GLMN: variants seen among roughly 807,000 people sequenced by gnomAD.
GLMN encodes glomulin, FKBP associated protein, also known as glomulin.
A neutral mutation model predicts 87.8 loss-of-function variants in GLMN; 75 were observed. The ratio of observed to expected loss-of-function variants is 0.85; its 90% confidence interval spans 0.71 to 1.04. The LOEUF is 1.04. Ranked by LOEUF, GLMN falls within the 50% of genes least tolerant of loss-of-function variation. The pLI is 0.00. For missense variants in GLMN, 588 were observed against 658.8 expected (o/e 0.89, Z 1.18); for synonymous variants, 206 against 221.6 (o/e 0.93, Z 0.63).
upstream of GLMN, among the ~76,000 whole-genome samples, chr1:92,302,754 T>C (rs1214931940): frequency 6.6e-6 from 1 of 151,644 alleles, no homozygotes; most frequent in East Asian, 2.0e-4. Flanking sequence ...CGCCCACCAT[T>C]ACGCCCGGCT....
At chr1:92,364,633 A>T in the GLMN span, among the ~76,000 whole-genome samples, 5 of 152,088 alleles carry the variant, frequency 3.3e-5, no homozygotes, top group African/African-American at 1.2e-4. Context: ...ATTACCCAGA[A>T]TTGTGCTTCT....
chr1:92,367,310 C>T, the GLMN span, among the ~76,000 whole-genome samples: 1 of 152,198 alleles, frequency 6.6e-6, no homozygotes, highest in Non-Finnish European at 1.5e-5. Context: ...CTTACCCAAC[C>T]CATTATTAAT....
Position 92,291,479 on chromosome 1 carries a change from C to A in GLMN, c.224G>T (p.Cys75Phe). ...LVGPVVRCLLCKDKEDSKRKV... is the reference protein window; with the variant it reads ...LVGPVVRCLLFKDKEDSKRKV... ...TCTTTTACTATCCTCTTTATCTTTACACAAAAGGCATCGAACAACAGGACC... is the reference window on the plus strand; with the variant it reads ...TCTTTTACTATCCTCTTTATCTTTAAACAAAAGGCATCGAACAACAGGACC... The change falls in exon 4 of 19, where the codon TGT becomes TTT. Residue 75 changes from cysteine (C) to phenylalanine (F), a missense_variant. By Grantham distance (205) the Cys-to-Phe change is radical. Transcript: ENST00000370360. 1 of 1,606,890 alleles carries A rather than the reference C, an allele frequency of 6.2e-7. No individual in the cohort carries two copies. The highest frequency in any genetic ancestry group is 1.7e-4 in the Middle Eastern group (1 of 6,052).
the GLMN span, among the ~76,000 whole-genome samples, chr1:92,314,548 A>G: frequency 2.7e-3 from 397 of 148,554 alleles, 3 homozygotes; most frequent in South Asian, 9.7e-3. Flanking sequence ...TCAGGAGTTC[A>G]AGACCAGCCT....
the GLMN span, among the ~76,000 whole-genome samples, chr1:92,312,733 A>G: frequency 1.3e-5 from 2 of 152,142 alleles, no homozygotes; most frequent in East Asian, 3.9e-4. Flanking sequence ...AAAGTCATCC[A>G]TTAGGGTTAC....
intron 7 of GLMN, among the ~76,000 whole-genome samples, chr1:92,281,970 A>G (rs1443975494): frequency 6.6e-6 from 1 of 152,224 alleles, no homozygotes; most frequent in Non-Finnish European, 1.5e-5. Context: ...CCAGGTTTAT[A>G]AAGCAAGTCC....
chr1:92,342,558 C>T, the GLMN span, among the ~76,000 whole-genome samples: 4 of 152,118 alleles, frequency 2.6e-5, no homozygotes, highest in Non-Finnish European at 5.9e-5. Flanking sequence ...TTTTTAACAG[C>T]ATCATTTTGG....
chr1:92,319,998 C>CAA, the GLMN span, among the ~76,000 whole-genome samples: 35 of 90,350 alleles, frequency 3.9e-4, no homozygotes, highest in African/African-American at 1.3e-3. Flanking sequence ...AACTCCATCT[C>CAA]AAAAAAAAAA....
At chr1:92,300,659 C>T (rs1363408278), upstream of GLMN, among the ~76,000 whole-genome samples, 3 of 152,194 alleles carry the variant, frequency 2.0e-5, no homozygotes, top group African/African-American at 7.2e-5. Context: ...CAAGATATTA[C>T]CACATATCAC....
At chr1:92,317,599 A>C in the GLMN span, among the ~76,000 whole-genome samples, 1 of 152,188 alleles carries the variant, frequency 6.6e-6, no homozygotes, top group African/African-American at 2.4e-5. Flanking sequence ...GGGAAGATGA[A>C]AAAGTGCTGG....
chr1:92,265,640 G>A (rs1294956521), intron 13 of GLMN, among the ~76,000 whole-genome samples: 2 of 152,102 alleles, frequency 1.3e-5, no homozygotes, highest in African/African-American at 4.8e-5. Context: ...ATGATGGCAT[G>A]CACCTGTAGT....
chr1:92,326,048 C>T, the GLMN span, among the ~76,000 whole-genome samples: 6 of 151,672 alleles, frequency 4.0e-5, no homozygotes, highest in Non-Finnish European at 8.8e-5. Flanking sequence ...GTATCTAGGA[C>T]TGGGAATGGT....
chr1:92,363,915 C>G, the GLMN span: 36 of 165,034 alleles, frequency 2.2e-4, no homozygotes, highest in South Asian at 4.3e-4. Context: ...TGTTAATCGA[C>G]TGCTTATGTT....
the GLMN span, among the ~76,000 whole-genome samples, chr1:92,352,783 A>G: frequency 1.3e-5 from 2 of 152,210 alleles, no homozygotes; most frequent in African/African-American, 2.4e-5. Context: ...TTGTACAACT[A>G]TCACCACTAT....
At chr1:92,286,908 AT>A (rs1648819360) in intron 6 of GLMN, among the ~76,000 whole-genome samples, 1 of 152,224 alleles carries the variant, frequency 6.6e-6, no homozygotes, top group African/African-American at 2.4e-5. Flanking sequence ...CAGCGCCTTA[AT>A]TGCAGACTTC....
chr1:92,356,668 C>CAAGTGATCTG, the GLMN span, among the ~76,000 whole-genome samples: 1 of 150,806 alleles, frequency 6.6e-6, no homozygotes, highest in African/African-American at 2.4e-5. Flanking sequence ...CTCCTGGCCT[C>CAAGTGATCTG]AAGTGATCTG....
chr1:92,305,514 A>T, the GLMN span, among the ~76,000 whole-genome samples: 2 of 150,872 alleles, frequency 1.3e-5, no homozygotes, highest in African/African-American at 2.4e-5. Flanking sequence ...GGAAAATTAT[A>T]GGCCAAAGAG....
the GLMN span, among the ~76,000 whole-genome samples, chr1:92,317,092 A>T: frequency 3.7e-4 from 56 of 152,332 alleles, no homozygotes; most frequent in Admixed American, 8.5e-4. Flanking sequence ...TCTAACACTA[A>T]ATAGAGGCAA....
chr1:92,315,680 A>G, the GLMN span, among the ~76,000 whole-genome samples: 28 of 152,216 alleles, frequency 1.8e-4, 1 homozygote, highest in Non-Finnish European at 1.5e-5. Context: ...TGTTTAAATA[A>G]ATTTAAGATT....
Sources: allele counts gnomAD v4.1 joint callset (sites outside exome capture counted in the v4.1 genomes callset), GRCh38; gene constraint gnomAD v4.1.1; transcripts MANE v1.5; gene names NCBI Gene and HGNC (gene_info 2026-07-23, HGNC 2026-07-21).